Variants in SBF2 observed in about 807,000 individuals in gnomAD.
SBF2 encodes myotubularin-related protein 13.
In SBF2, 112 loss-of-function variants were observed where a neutral mutation model predicts 225.2. That is an observed-to-expected ratio of 0.50 (90% CI 0.43 to 0.58). The LOEUF (loss-of-function observed/expected upper bound fraction) is 0.58. Among genes scored for constraint, SBF2 ranks in the 20% least tolerant of loss-of-function variants. The pLI, the probability that SBF2 is intolerant of heterozygous loss-of-function variation, is 0.00. For missense variants in SBF2, 1,996 were observed against 2,206.2 expected, an observed-to-expected ratio of 0.90 and a Z score of 1.91; for synonymous variants, 763 against 773.3, an observed-to-expected ratio of 0.99 and a Z score of 0.22.
At chr11:9,846,663 AG>A (rs1396401081) in intron 23 of SBF2, among the ~76,000 whole-genome samples, 3 of 152,210 alleles carry the variant, frequency 2.0e-5, no homozygotes, top group Non-Finnish European at 4.4e-5. Context: ...TTCATCAAAC[AG>A]GTATTGAGGT....
At chr11:9,902,283 T>G (rs9300100) in intron 16 of SBF2, among the ~76,000 whole-genome samples, 56,073 of 152,088 alleles carry the variant, frequency 0.37, 11,295 homozygotes, top group African/African-American at 0.54. Context: ...CACAACTCCC[T>G]TATCTTGACT....
intron 2 of SBF2, among the ~76,000 whole-genome samples, chr11:10,183,022 C>G (rs752012747): frequency 2.8e-4 from 42 of 152,040 alleles, no homozygotes; most frequent in Admixed American, 6.5e-4. Flanking sequence ...CCGCCCGCCT[C>G]GGCCTCCCAA....
At position 9,832,204 on chromosome 11, in the gene SBF2, T is replaced by C. The variant is rs749639031; in HGVS notation, c.3652+20A>G. On this transcript the variant is annotated intron_variant, in intron 27 of 39. Transcript: ENST00000256190. ...TCCTTATGTGAACGGGTGGTAATTGTGTTATAGAGAGATGCTTACCGGCCT... is the reference window on the plus strand; with the variant it reads ...TCCTTATGTGAACGGGTGGTAATTGCGTTATAGAGAGATGCTTACCGGCCT... 6.2e-7 allele frequency: 1 copy of C among 1,603,892 alleles called. No homozygotes were observed. The highest frequency in any genetic ancestry group is 8.5e-7 in the Non-Finnish European group (1 of 1,170,776).
chr11:10,223,434 T>TAG (rs1555082991), intron 1 of SBF2, among the ~76,000 whole-genome samples: 2 of 122,606 alleles, frequency 1.6e-5, no homozygotes, highest in East Asian at 4.5e-4. Flanking sequence ...TATATATATA[T>TAG]ATATATATAG....
At chr11:10,155,388 G>C (rs1955420888) in intron 2 of SBF2, among the ~76,000 whole-genome samples, 2 of 123,106 alleles carry the variant, frequency 1.6e-5, no homozygotes, top group African/African-American at 5.4e-5. Flanking sequence ...TATTAGAAGA[G>C]GGTGGAACAA....
At chr11:10,170,165 G>A (rs1956128545) in intron 2 of SBF2, among the ~76,000 whole-genome samples, 1 of 152,002 alleles carries the variant, frequency 6.6e-6, no homozygotes. Flanking sequence ...TTTCTGCTTT[G>A]GTTGTCTGTG....
In SBF2 at chr11:9,942,950, C is replaced by G. The variant is rs1001560091; in HGVS notation, c.1860+19007G>C. Among the ~76,000 whole-genome samples the G allele has an allele frequency of 8.0e-5, 6 of 74,906 alleles. No homozygotes were observed. In the East Asian group the frequency reaches 1.1e-3, roughly 14 times the overall value. The allele number at this position is 74,906 out of a possible 152,430, so 49.1% of individuals were successfully genotyped here. The stretch of plus-strand genomic sequence containing the variant: ...AAGAAAGAAAGAAAGAAGGAAGGAA[C>G]GAAGGAAGGAAAGAAGGAAAAAGAA... On this transcript the variant is annotated intron_variant, in intron 16 of 39. Coordinates refer to ENST00000256190, the MANE Select transcript of SBF2 (RefSeq NM_030962.4).
At chr11:10,002,473 C>T in intron 7 of SBF2, 84 bp downstream of exon 7, 1 of 1,126,244 alleles carries the variant, frequency 8.9e-7, no homozygotes, top group Non-Finnish European at 1.3e-6. Context: ...TGGTTCAAAA[C>T]CATTGTGCCA....
intron 2 of SBF2, among the ~76,000 whole-genome samples, chr11:10,192,364 C>A (rs991038437): frequency 3.3e-5 from 5 of 152,100 alleles, no homozygotes. Context: ...AAGCACCTAG[C>A]AATGTATCTT....
At chr11:10,289,523 G>C (rs1277889905) in intron 1 of SBF2, among the ~76,000 whole-genome samples, 2 of 152,106 alleles carry the variant, frequency 1.3e-5, no homozygotes, top group Non-Finnish European at 2.9e-5. Context: ...ATCTCTACGA[G>C]CTCCCCCTCA....
rs546588314 is a variant in SBF2 at position 10,261,602 on chromosome 11, A to G, written c.55+32413T>C. 5.9e-5 allele frequency among the ~76,000 whole-genome samples: 9 copies of G among 152,330 alleles called. No individual in the cohort carries two copies. The South Asian group carries it at 1.9e-3, about 32-fold the overall frequency. ...TATAAAACTAAGCATACACCCACCT[A>G]TAACCCAAAAATTCAACTGCTAGGT... On this transcript the variant is annotated intron_variant, in intron 1 of 39. Transcript: ENST00000256190.
intron 2 of SBF2, among the ~76,000 whole-genome samples, chr11:10,072,721 CTTTTTT>C (rs760663007): frequency 1.5e-5 from 2 of 130,690 alleles, no homozygotes; most frequent in African/African-American, 5.6e-5. Context: ...CCAGTGGAAT[CTTTTTT>C]TTTTTTCTTT....
At chr11:10,061,154 C>G (rs191181890) in intron 2 of SBF2, among the ~76,000 whole-genome samples, 17 of 151,980 alleles carry the variant, frequency 1.1e-4, no homozygotes, top group African/African-American at 3.9e-4. Context: ...ATTAAATATC[C>G]CTTCACGTTA....
intron 2 of SBF2, among the ~76,000 whole-genome samples, chr11:10,104,285 G>C (rs957736309): frequency 6.6e-6 from 1 of 152,084 alleles, no homozygotes; most frequent in Admixed American, 6.6e-5. Context: ...TAACTGAGAA[G>C]AATTTGAAAA....
intron 16 of SBF2, among the ~76,000 whole-genome samples, chr11:9,916,862 G>C (rs935707874): frequency 1.3e-5 from 2 of 148,256 alleles, no homozygotes; most frequent in Non-Finnish European, 2.9e-5. Flanking sequence ...AAGAGTACAG[G>C]AGCAAATTAC....
At chr11:9,862,389 AGT>A (rs1410042366) in intron 17 of SBF2, among the ~76,000 whole-genome samples, 1 of 152,216 alleles carries the variant, frequency 6.6e-6, no homozygotes, top group Admixed American at 6.5e-5. Context: ...GGAACTTTGC[AGT>A]CAGCTTGGGC....
intron 2 of SBF2, among the ~76,000 whole-genome samples, chr11:10,164,361 T>C (rs1955867193): frequency 6.6e-6 from 1 of 152,190 alleles, no homozygotes. Context: ...AGCCTATATA[T>C]TAACTCTTCC....
At chr11:9,811,215 AT>A (rs1854161850) in intron 30 of SBF2, 1 of 152,238 alleles carries the variant, frequency 6.6e-6, no homozygotes, top group African/African-American at 2.4e-5. Context: ...GAGGGTGAGG[AT>A]AGAAAAACTA....
At chr11:9,956,398 A>C (rs2134342257) in intron 16 of SBF2, among the ~76,000 whole-genome samples, 1 of 152,324 alleles carries the variant, frequency 6.6e-6, no homozygotes. Flanking sequence ...GTTCACTAGC[A>C]GAGTTTATAT....
Sources: gnomAD v4.1 joint callset for allele counts (sites outside exome capture counted in the v4.1 genomes callset) on GRCh38, gnomAD v4.1.1 for gene constraint, MANE v1.5 for transcripts, NCBI Gene and HGNC (gene_info 2026-07-23, HGNC 2026-07-21) for gene names.